Variants in ST7L observed in about 807,000 individuals in gnomAD.
The protein encoded by ST7L is suppressor of tumorigenicity 7 protein-like.
A neutral mutation model predicts 72.5 loss-of-function variants in ST7L; 57 were observed. That is an observed-to-expected ratio of 0.79 (90% CI 0.64 to 0.98). The LOEUF (loss-of-function observed/expected upper bound fraction) is 0.98, where lower values mean the gene tolerates loss of function less well. Among genes scored for constraint, ST7L ranks in the 50% least tolerant of loss-of-function variants. ST7L has a pLI of 0.00. For synonymous variants in ST7L, 221 were observed against 240.9 expected (o/e 0.92, Z 0.77); for missense variants, 576 against 672.2 (o/e 0.86, Z 1.58).
At chr1:112,550,785 A>G (rs1657987290) in intron 12 of ST7L, 92 bp from the exon 13 acceptor site, 1 of 1,043,244 alleles carries the variant, frequency 9.6e-7, no homozygotes, top group African/African-American at 1.6e-5. Flanking sequence ...TTCACATACT[A>G]TTTTCTTTTT....
intron 3 of ST7L, among the ~76,000 whole-genome samples, chr1:112,610,281 C>T (rs888731577): frequency 1.3e-5 from 2 of 152,072 alleles, no homozygotes; most frequent in Non-Finnish European, 2.9e-5. Flanking sequence ...AACAGTCTTA[C>T]ACGACAAAGT....
chr1:112,519,892 T>G (rs1314749903), downstream of ST7L, among the ~76,000 whole-genome samples: 1 of 138,176 alleles, frequency 7.2e-6, no homozygotes, highest in African/African-American at 2.6e-5. Context: ...TTTTTTTTTT[T>G]GGAGACAGAG....
chr1:112,553,233 AAC>A (rs71584746), intron 12 of ST7L, among the ~76,000 whole-genome samples: 37,007 of 149,248 alleles, frequency 0.25, 4,701 homozygotes, highest in Non-Finnish European at 0.28. Context: ...CTTTTCTTTA[AAC>A]ACACACACAC....
At chr1:112,598,212 T>G in intron 4 of ST7L, 126 bp from the exon 5 acceptor site, 1 of 574,786 alleles carries the variant, frequency 1.7e-6, no homozygotes, top group Non-Finnish European at 3.0e-6. Flanking sequence ...TTACAATCAG[T>G]AAAACAAAAG....
chr1:112,559,991 A>T (rs1659840808), intron 11 of ST7L, among the ~76,000 whole-genome samples: 1 of 151,986 alleles, frequency 6.6e-6, no homozygotes, highest in African/African-American at 2.4e-5. Context: ...AAGAAAAAAA[A>T]ATCTTCCTTA....
intron 1 of ST7L, 33 bp downstream of exon 1, chr1:112,618,876 C>G (rs745741698): frequency 4.8e-5 from 75 of 1,549,204 alleles, no homozygotes; most frequent in Non-Finnish European, 6.1e-5. Context: ...CTCCTGGCCC[C>G]CCGCCCTGCC....
At chr1:112,614,374 G>A (rs1051912682) in intron 2 of ST7L, among the ~76,000 whole-genome samples, 4 of 152,160 alleles carry the variant, frequency 2.6e-5, no homozygotes, top group Admixed American at 1.3e-4. Context: ...AAGCCACCGT[G>A]CCTGGCTTAA....
chr1:112,583,946 G>C (rs375718432), intron 7 of ST7L, 26 bp downstream of exon 7: 1 of 1,606,986 alleles, frequency 6.2e-7, no homozygotes, highest in African/African-American at 1.3e-5. Flanking sequence ...CTAAAAGACA[G>C]TAATAACCAG....
chr1:112,529,326 C>G (rs1653988482), intron 14 of ST7L: 1 of 152,142 alleles, frequency 6.6e-6, no homozygotes, highest in African/African-American at 2.4e-5. Context: ...CTTCCCTCCC[C>G]TAGGTAGTTT....
At chr1:112,600,633 G>A (rs1410119167) in intron 4 of ST7L, among the ~76,000 whole-genome samples, 161 bp downstream of exon 4, 4 of 151,924 alleles carry the variant, frequency 2.6e-5, no homozygotes, top group African/African-American at 9.7e-5. Flanking sequence ...TAAACACAGT[G>A]AAGATGCTGC....
intron 1 of ST7L, among the ~76,000 whole-genome samples, chr1:112,617,737 A>T (rs1270932771): frequency 6.6e-6 from 1 of 151,842 alleles, no homozygotes; most frequent in Non-Finnish European, 1.5e-5. Flanking sequence ...ACACACACAC[A>T]CACACACACA....
chr1:112,606,627 C>A lies in ST7L; in HGVS notation c.451+4214G>T, dbSNP rs191224958. On this transcript the variant is annotated intron_variant, in intron 3 of 14. Coordinates refer to ENST00000358039, the MANE Select transcript of ST7L (RefSeq NM_017744.5). ...ACAGTGGCACCCCACTTCTTCGTAA[C>A]AAAATCTGAGTTAGTCAGCTCAGGT... Among the ~76,000 whole-genome samples the A allele has an allele frequency of 2.6e-3, 394 of 152,308 alleles. 2 individuals carry two copies. The highest frequency in any genetic ancestry group is 0.012 in the East Asian group (64 of 5,180).
Position 112,598,081 on chromosome 1 carries a change from G to C in ST7L, c.512C>G (p.Thr171Ser). 1 of 1,610,192 alleles carries C rather than the reference G, an allele frequency of 6.2e-7. No homozygotes were observed. The highest frequency in any genetic ancestry group is 1.1e-5 in the South Asian group (1 of 90,416). Residue 171 changes from threonine (T) to serine (S), a missense_variant, in exon 5 of 15, where the codon ACT (threonine) becomes AGT (serine). By Grantham distance (58) the Thr-to-Ser change is moderately conservative. This residue lies in a region of ST7L where 511 missense variants were observed against 600.7 expected (regional missense o/e 0.85). Coordinates refer to ENST00000358039, the MANE Select transcript of ST7L (RefSeq NM_017744.5). ...AAGTGGCTCTTTACCAGTCACCCAAGTGTATCTTTACCAAAACACAACAAA... is the reference window on the plus strand; with the variant it reads ...AAGTGGCTCTTTACCAGTCACCCAACTGTATCTTTACCAAAACACAACAAA... ...LFRGAEYRRY[T>S]WVTGKEPLTY...
At chr1:112,615,926 G>A (rs1049357323) in intron 2 of ST7L, among the ~76,000 whole-genome samples, 5 of 151,950 alleles carry the variant, frequency 3.3e-5, no homozygotes, top group African/African-American at 1.2e-4. Context: ...TTTAGTAGAC[G>A]GAGTTTCATC....
At chr1:112,595,300 G>T (rs1050033411) in intron 5 of ST7L, among the ~76,000 whole-genome samples, 2 of 148,768 alleles carry the variant, frequency 1.3e-5, no homozygotes, top group African/African-American at 5.0e-5. Context: ...AGGAGGTGGA[G>T]GTTGTGGTGA....
At chr1:112,568,855 A>AATAAATATAT (rs1553247557) in intron 11 of ST7L, among the ~76,000 whole-genome samples, 2 of 80,922 alleles carry the variant, frequency 2.5e-5, no homozygotes, top group Non-Finnish European at 4.8e-5. Context: ...TATAAATATA[A>AATAAATATAT]ATATAAATAT....
At chr1:112,585,590 G>A (rs12045227) in intron 6 of ST7L, among the ~76,000 whole-genome samples, 29,477 of 152,004 alleles carry the variant, frequency 0.19, 3,582 homozygotes, top group East Asian at 0.46. Context: ...AAAATTAGCT[G>A]GGCGCAGTGG....
chr1:112,550,853 G>A (rs910383939), intron 12 of ST7L, among the ~76,000 whole-genome samples, 160 bp from the exon 13 acceptor site: 2 of 152,048 alleles, frequency 1.3e-5, no homozygotes, highest in Non-Finnish European at 2.9e-5. Flanking sequence ...TAAGGGGAAG[G>A]ATAAGATTTA....
chr1:112,536,417 G>A (rs1167577034), intron 14 of ST7L, among the ~76,000 whole-genome samples: 2 of 151,744 alleles, frequency 1.3e-5, no homozygotes, highest in African/African-American at 2.4e-5. Flanking sequence ...TAACTCCCCC[G>A]GTTCTGAAGA....
Sources: allele counts gnomAD v4.1 joint callset (sites outside exome capture counted in the v4.1 genomes callset), GRCh38; gene constraint gnomAD v4.1.1; regional missense constraint gnomAD v4.1.1; transcripts MANE v1.5; gene names NCBI Gene and HGNC (gene_info 2026-07-23, HGNC 2026-07-21).